KLF13: variants seen among roughly 807,000 people sequenced by gnomAD.
KLF13 encodes KLF transcription factor 13.
KLF13 carries 8 observed loss-of-function variants against 16.7 expected under a neutral mutation model. That is an observed-to-expected ratio of 0.48 (90% CI 0.28 to 0.87). The LOEUF (loss-of-function observed/expected upper bound fraction) is 0.87. KLF13 is among the 40% of genes least tolerant of loss of function. The probability of loss-of-function intolerance (pLI) is 0.10; values close to 1 mark genes in which losing one functional copy is unlikely to be tolerated. For synonymous variants in KLF13, 245 were observed against 208.4 expected, an observed-to-expected ratio of 1.18 and a Z score of -1.51; for missense variants, 447 against 452.2, an observed-to-expected ratio of 0.99 and a Z score of 0.10.
At chr15:31,358,819 G>A (rs866290813) in intron 1 of KLF13, among the ~76,000 whole-genome samples, 4 of 152,322 alleles carry the variant, frequency 2.6e-5, no homozygotes, top group South Asian at 4.1e-4. Flanking sequence ...GGCTGTGTTG[G>A]TACGCAAGCA....
downstream of KLF13, chr15:31,404,786 A>ACTT (rs1263665236): frequency 2.0e-5 from 3 of 152,350 alleles, no homozygotes; most frequent in African/African-American, 7.2e-5. Flanking sequence ...AAGGTCCAGG[A>ACTT]CTTCATTCTT....
chr15:31,401,128 G>C (rs1015779112), intron 2 of KLF13, among the ~76,000 whole-genome samples: 2 of 152,060 alleles, frequency 1.3e-5, no homozygotes, highest in Non-Finnish European at 2.9e-5. Flanking sequence ...AGCCTACCAA[G>C]TAGCTGGGAT....
rs2039616357 is a variant in KLF13, at chr15:31,374,736, G to T, written c.*2437G>T. 1 of 152,276 alleles carries T rather than the reference G, an allele frequency of 6.6e-6. No homozygotes were observed. Among genetic ancestry groups the T allele is most frequent in the South Asian group, 2.1e-4 (1 of 4,822 alleles). The allele number at this position is 152,276 out of a possible 1,614,324, so 9.4% of individuals were successfully genotyped here. A position where few individuals can be genotyped will look rare whatever the true frequency, so the allele number is the denominator to read the frequency against. ...CAGACGTCCTTGTGATCTGCCCAGG[G>T]TGTCACGGAAGGAGATTTTCTAGCT... On this transcript the variant is annotated 3_prime_UTR_variant, in exon 2 of 2. Coordinates refer to ENST00000307145, the MANE Select transcript of KLF13 (RefSeq NM_015995.4).
upstream of KLF13, among the ~76,000 whole-genome samples, chr15:31,392,212 C>T (rs997359205): frequency 7.9e-5 from 12 of 152,246 alleles, 2 homozygotes; most frequent in South Asian, 1.4e-3. Context: ...TCAGATGACA[C>T]AAGGATGATG....
chr15:31,429,240 C>T (rs2040439476), intron 1 of KLF13, among the ~76,000 whole-genome samples: 1 of 144,868 alleles, frequency 6.9e-6, no homozygotes, highest in Non-Finnish European at 1.5e-5. Context: ...AGACTTAAAA[C>T]CATGAGAAGT....
Position 31,377,027 on chromosome 15 carries a change from T to G in KLF13, c.*4728T>G, listed in dbSNP as rs2039658802. The G allele has an allele frequency of 1.3e-5, 2 of 152,020 alleles. No homozygotes were observed. Among genetic ancestry groups the G allele is most frequent in the African/African-American group, 4.8e-5 (2 of 41,366 alleles). The allele number at this position is 152,020 out of a possible 1,614,324, so 9.4% of individuals were successfully genotyped here. A position where few individuals can be genotyped will look rare whatever the true frequency, so the allele number is the denominator to read the frequency against. ...GGGGGTGGGAGCACGGGAACAGCTT[T>G]CTTAAGGCCTCAGGGTCCTGTTTTC... On this transcript the variant is annotated 3_prime_UTR_variant, in exon 2 of 2. Coordinates refer to ENST00000307145, the MANE Select transcript of KLF13 (RefSeq NM_015995.4).
At chr15:31,328,578 A>G (rs1409583411) in intron 1 of KLF13, among the ~76,000 whole-genome samples, 2 of 148,248 alleles carry the variant, frequency 1.3e-5, no homozygotes, top group Admixed American at 6.6e-5. Context: ...TCGCCTGCCC[A>G]CCTCTCACCT....
At chr15:31,340,076 C>G (rs1566805427) in intron 1 of KLF13, 1 of 701,898 alleles carries the variant, frequency 1.4e-6, no homozygotes, top group East Asian at 2.7e-5. Flanking sequence ...CTGTGAGCCT[C>G]TCTGCCTCTA....
rs1184768607 is a variant in KLF13 at position 31,423,123 on chromosome 15, G to GTA, written n.118-12240_118-12239dup. ...TACGTATACGTATACGTATATATACGTATATATACGTATACGTATACGTAT... is the reference window on the plus strand; with the variant it reads ...TACGTATACGTATACGTATATATACGTATATATATACGTATACGTATACGTAT... On this transcript the variant is annotated intron_variant and non_coding_transcript_variant, in intron 1 of 1. Transcript: ENST00000558225. 5.1e-4 allele frequency among the ~76,000 whole-genome samples: 57 copies of GTA among 111,728 alleles called. 18 individuals are homozygous for GTA. The highest frequency in any genetic ancestry group is 3.2e-3 in the African/African-American group (50 of 15,448). 73.3% of individuals were successfully genotyped at this position (111,728 alleles called of 152,430 possible). A position where few individuals can be genotyped will look rare whatever the true frequency, so the allele number is the denominator to read the frequency against.
At chr15:31,413,698 T>C (rs2040223740) in intron 1 of KLF13, among the ~76,000 whole-genome samples, 1 of 152,202 alleles carries the variant, frequency 6.6e-6, no homozygotes, top group Non-Finnish European at 1.5e-5. Context: ...AGAGAATTTC[T>C]TGCTATTAGG....
chr15:31,412,788 G>A (rs547213384), intron 1 of KLF13, among the ~76,000 whole-genome samples: 1 of 152,310 alleles, frequency 6.6e-6, no homozygotes, highest in East Asian at 1.9e-4. Context: ...GCAACAGAAT[G>A]TGGAGAAGTT....
chr15:31,332,233 C>T (rs952262692), intron 1 of KLF13, among the ~76,000 whole-genome samples: 28 of 152,178 alleles, frequency 1.8e-4, no homozygotes, highest in African/African-American at 6.8e-4. Context: ...GGAAAGAGAC[C>T]ACACTTGTTA....
chr15:31,392,582 C>A (rs1043863072), upstream of KLF13, among the ~76,000 whole-genome samples: 14 of 152,236 alleles, frequency 9.2e-5, no homozygotes, highest in African/African-American at 3.4e-4. Context: ...TGCAGGGTGT[C>A]CACGGGACTC....
chr15:31,408,610 A>C (rs2040156361), downstream of KLF13, among the ~76,000 whole-genome samples: 1 of 152,234 alleles, frequency 6.6e-6, no homozygotes, highest in African/African-American at 2.4e-5. Flanking sequence ...CCTAGAAGGA[A>C]AGTTGTGCTC....
chr15:31,435,628 T>C (rs969127477), exon 2 of KLF13: 1 of 152,168 alleles, frequency 6.6e-6, no homozygotes, highest in Admixed American at 6.5e-5. Flanking sequence ...ACTTTTTCTT[T>C]CTCTTGAAGT....
intron 1 of KLF13, among the ~76,000 whole-genome samples, chr15:31,332,506 C>T (rs939455165): frequency 6.6e-6 from 1 of 152,178 alleles, no homozygotes; most frequent in South Asian, 2.1e-4. Flanking sequence ...ATCTCCACTC[C>T]CCCCTTCCCC....
intron 1 of KLF13, among the ~76,000 whole-genome samples, chr15:31,347,905 C>T (rs2039150554): frequency 6.6e-6 from 1 of 152,222 alleles, no homozygotes; most frequent in Non-Finnish European, 1.5e-5. Flanking sequence ...ACCACACCCC[C>T]TGAAGGTGAC....
intron 1 of KLF13, among the ~76,000 whole-genome samples, chr15:31,330,667 A>G (rs1024843388): frequency 3.3e-5 from 5 of 152,380 alleles, no homozygotes; most frequent in Non-Finnish European, 5.9e-5. Flanking sequence ...TGTCCTGGTT[A>G]GCTGTGTAGC....
chr15:31,361,146 A>T (rs1332739182), intron 1 of KLF13, among the ~76,000 whole-genome samples: 2 of 152,126 alleles, frequency 1.3e-5, no homozygotes, highest in Non-Finnish European at 2.9e-5. Context: ...GGCCTCGTAG[A>T]GCCTGGCTGT....
Sources: gnomAD v4.1 joint callset for allele counts (sites outside exome capture counted in the v4.1 genomes callset) on GRCh38, gnomAD v4.1.1 for gene constraint, MANE v1.5 for transcripts, NCBI Gene and HGNC (gene_info 2026-07-23, HGNC 2026-07-21) for gene names.